The following KCNJ15 variants were observed in gnomAD, a reference collection of about 807,000 sequenced individuals.
KCNJ15 encodes the protein potassium inwardly rectifying channel subfamily J member 15, also known as ATP-sensitive inward rectifier potassium channel 15.
A neutral mutation model predicts 23.0 loss-of-function variants in KCNJ15; 14 were observed. That is an observed-to-expected ratio of 0.61 (90% CI 0.40 to 0.95). KCNJ15 has a LOEUF of 0.95. Ranked by LOEUF, KCNJ15 falls within the 40% of genes least tolerant of loss-of-function variation. KCNJ15 has a pLI of 0.00. For missense variants in KCNJ15, 388 were observed against 461.8 expected, an observed-to-expected ratio of 0.84 and a Z score of 1.46; for synonymous variants, 185 against 183.2, an observed-to-expected ratio of 1.01 and a Z score of -0.08.
chr21:38,234,688 T>C (rs1978485263), intron 1 of KCNJ15, among the ~76,000 whole-genome samples: 1 of 152,256 alleles, frequency 6.6e-6, no homozygotes, highest in Admixed American at 6.5e-5. Flanking sequence ...CCAACATGAA[T>C]ATTGCAGTTA....
At chr21:38,275,899 T>C (rs758754634) in intron 1 of KCNJ15, among the ~76,000 whole-genome samples, 1 of 152,220 alleles carries the variant, frequency 6.6e-6, no homozygotes, top group Non-Finnish European at 1.5e-5. Flanking sequence ...TTTTTCCAGT[T>C]AGAAGGAATC....
chr21:38,300,384 G>A lies in KCNJ15; in HGVS notation c.1123G>A (p.Val375Ile). 6.2e-7 allele frequency: 1 copy of A among 1,601,220 alleles called. No homozygotes were observed. The highest frequency in any genetic ancestry group is 1.7e-5 in the Admixed American group (1 of 58,994). ...LRTLLLQQSN[V>I] Reference sequence around the variant, plus strand: ...GACACTTTTATTACAACAGAGCAATGTCTGATCACAGGGGCGCCATCCAGG... The same window carrying A: ...GACACTTTTATTACAACAGAGCAATATCTGATCACAGGGGCGCCATCCAGG... Residue 375 changes from valine (V) to isoleucine (I), a missense_variant, in exon 3 of 3, where the codon GTC becomes ATC. Val to Ile is a conservative substitution (Grantham distance 29). Transcript: ENST00000398938.
chr21:38,233,029 A>G (rs1436590669), intron 1 of KCNJ15, among the ~76,000 whole-genome samples: 1 of 152,014 alleles, frequency 6.6e-6, no homozygotes, highest in African/African-American at 2.4e-5. Flanking sequence ...CATTCTATAC[A>G]TTATTGAAAG....
intron 1 of KCNJ15, among the ~76,000 whole-genome samples, chr21:38,247,281 G>A (rs1277826196): frequency 6.7e-6 from 1 of 150,204 alleles, no homozygotes; most frequent in Admixed American, 6.6e-5. Flanking sequence ...TGGCTAAATG[G>A]ATAGATGGAT....
chr21:38,283,115 T>C (rs1363425664), intron 1 of KCNJ15, among the ~76,000 whole-genome samples: 2 of 151,832 alleles, frequency 1.3e-5, no homozygotes, highest in African/African-American at 4.9e-5. Context: ...AACTAGGTTC[T>C]TGGATTTGTG....
chr21:38,256,053 G>A (rs886080208), upstream of KCNJ15, among the ~76,000 whole-genome samples: 1 of 152,066 alleles, frequency 6.6e-6, no homozygotes, highest in African/African-American at 2.4e-5. Flanking sequence ...GATTGACCAC[G>A]ATCCCCATGC....
At chr21:38,278,175 G>A (rs1982938377) in intron 1 of KCNJ15, among the ~76,000 whole-genome samples, 1 of 152,160 alleles carries the variant, frequency 6.6e-6, no homozygotes, top group Non-Finnish European at 1.5e-5. Flanking sequence ...AAGATTCCAA[G>A]TTTCCTTTGC....
rs148119428 is a variant in KCNJ15, at chr21:38,265,547, C to G, written c.-117+8362C>G. On this transcript the variant is annotated intron_variant, in intron 1 of 2. Coordinates refer to ENST00000398938, the MANE Select transcript of KCNJ15 (RefSeq NM_170736.3). The stretch of plus-strand genomic sequence containing the variant: ...TATTTGATGGGTTTTTAAATCAACT[C>G]TCACTCAGATTTTGAATAGTCAGGC... 3.3e-3 allele frequency among the ~76,000 whole-genome samples: 509 copies of G among 152,292 alleles called. 2 individuals carry two copies. The highest frequency in any genetic ancestry group is 6.8e-3 in the Middle Eastern group (2 of 294).
intron 1 of KCNJ15, among the ~76,000 whole-genome samples, chr21:38,239,335 T>C (rs1439414165): frequency 6.6e-6 from 1 of 152,192 alleles, no homozygotes; most frequent in African/African-American, 2.4e-5. Context: ...ATAAAATATG[T>C]TCAATTCAAT....
chr21:38,256,556 G>C (rs564487581), upstream of KCNJ15: 3 of 151,742 alleles, frequency 2.0e-5, no homozygotes, highest in South Asian at 6.2e-4. Flanking sequence ...TATTCATTTG[G>C]GGAGGAGAGA....
intron 1 of KCNJ15, among the ~76,000 whole-genome samples, chr21:38,231,193 T>G (rs985672484): frequency 6.6e-5 from 10 of 152,032 alleles, no homozygotes; most frequent in Admixed American, 2.0e-4. Flanking sequence ...CCCAAGTATC[T>G]TATTCTTTTT....
In KCNJ15 at chr21:38,300,032, G is replaced by A; in HGVS notation, c.771G>A (p.Val257=). 5 of 1,614,044 alleles carry A rather than the reference G, an allele frequency of 3.1e-6. No individual in the cohort carries two copies. The highest frequency in any genetic ancestry group is 3.3e-4 in the Middle Eastern group (2 of 6,062). ...FLILPMTFYH[V]LDETSPLRDL... ...TTCTGCCCATGACATTCTACCATGT[G>A]CTGGATGAGACGAGCCCCCTGAGAG... Residue 257 remains valine, a synonymous_variant, in exon 3 of 3, where the codon GTG becomes GTA. Coordinates refer to ENST00000398938, the MANE Select transcript of KCNJ15 (RefSeq NM_170736.3).
intron 1 of KCNJ15, among the ~76,000 whole-genome samples, chr21:38,282,086 T>G (rs74577227): frequency 0.016 from 2,510 of 152,270 alleles, 89 homozygotes; most frequent in African/African-American, 0.058. Flanking sequence ...GTCGGTTCAT[T>G]TCCTTTGCCC....
intron 1 of KCNJ15, among the ~76,000 whole-genome samples, chr21:38,236,904 A>C (rs1289497757): frequency 6.6e-6 from 1 of 152,218 alleles, no homozygotes; most frequent in African/African-American, 2.4e-5. Context: ...GGCTGCACAC[A>C]TTCAGCTTGT....
intron 1 of KCNJ15, among the ~76,000 whole-genome samples, chr21:38,242,501 G>A (rs1979078879): frequency 6.6e-6 from 1 of 152,124 alleles, no homozygotes; most frequent in African/African-American, 2.4e-5. Flanking sequence ...TAAAGAGGTG[G>A]GGCTTTATCC....
At chr21:38,264,164 G>T (rs139499537) in intron 1 of KCNJ15, among the ~76,000 whole-genome samples, 1 of 152,136 alleles carries the variant, frequency 6.6e-6, no homozygotes, top group Non-Finnish European at 1.5e-5. Context: ...AGTTTTACAC[G>T]CACTGTATTT....
intron 1 of KCNJ15, among the ~76,000 whole-genome samples, chr21:38,240,236 T>G (rs1017682588): frequency 6.6e-6 from 1 of 152,186 alleles, no homozygotes; most frequent in African/African-American, 2.4e-5. Context: ...CATCTTGACC[T>G]CTAGACTTTT....
At chr21:38,245,553 A>G (rs1166709299) in intron 1 of KCNJ15, among the ~76,000 whole-genome samples, 3 of 151,684 alleles carry the variant, frequency 2.0e-5, no homozygotes, top group Non-Finnish European at 4.4e-5. Flanking sequence ...AATTCCATTT[A>G]TAATAACAAA....
intron 1 of KCNJ15, among the ~76,000 whole-genome samples, chr21:38,245,359 A>G (rs2123565015): frequency 6.6e-6 from 1 of 151,954 alleles, no homozygotes; most frequent in South Asian, 2.1e-4. Flanking sequence ...AAAATGAGTG[A>G]TTCTTTCTGG....
Sources: allele counts gnomAD v4.1 joint callset (sites outside exome capture counted in the v4.1 genomes callset), GRCh38; gene constraint gnomAD v4.1.1; transcripts MANE v1.5; gene names NCBI Gene and HGNC (gene_info 2026-07-23, HGNC 2026-07-21).